Variants in GRM3 observed in about 807,000 individuals in gnomAD.
GRM3 encodes the protein metabotropic glutamate receptor 3.
GRM3 carries 26 observed loss-of-function variants against 70.5 expected under a neutral mutation model. That is an observed-to-expected ratio of 0.37 (90% CI 0.27 to 0.51). The LOEUF (loss-of-function observed/expected upper bound fraction) is 0.51, where lower values mean the gene tolerates loss of function less well. GRM3 is among the 20% of genes least tolerant of loss of function. The probability of loss-of-function intolerance (pLI) is 0.93; values close to 1 mark genes in which losing one functional copy is unlikely to be tolerated. For missense variants in GRM3, 859 were observed against 1,123.8 expected, an observed-to-expected ratio of 0.76 and a Z score of 3.37; for synonymous variants, 443 against 434.9, an observed-to-expected ratio of 1.02 and a Z score of -0.23.
intron 1 of GRM3, among the ~76,000 whole-genome samples, chr7:86,733,313 CAA>C (rs61108218): frequency 2.5e-4 from 29 of 115,478 alleles, no homozygotes; most frequent in Admixed American, 3.8e-4. Flanking sequence ...CACGCCGTCT[CAA>C]AAAAAAAAAA....
At chr7:86,849,244 A>C (rs1289082906) in intron 4 of GRM3, among the ~76,000 whole-genome samples, 2 of 152,154 alleles carry the variant, frequency 1.3e-5, no homozygotes, top group Non-Finnish European at 2.9e-5. Context: ...TGCATCACAG[A>C]ATCAGATAGC....
chr7:86,680,119 C>T (rs1009881242), intron 1 of GRM3, among the ~76,000 whole-genome samples: 44 of 152,176 alleles, frequency 2.9e-4, no homozygotes, highest in Admixed American at 1.5e-3. Flanking sequence ...CTGAGAAGTT[C>T]AGCCTGTCAC....
intron 5 of GRM3, among the ~76,000 whole-genome samples, chr7:86,856,356 G>A (rs1024745485): frequency 1.3e-5 from 2 of 149,728 alleles, no homozygotes; most frequent in African/African-American, 4.9e-5. Flanking sequence ...TGAGACAGGA[G>A]AATTGCTTGA....
intron 3 of GRM3, among the ~76,000 whole-genome samples, chr7:86,818,930 A>G (rs1314903776): frequency 6.6e-6 from 1 of 152,086 alleles, no homozygotes; most frequent in East Asian, 1.9e-4. Flanking sequence ...TGGGTTCCAA[A>G]TTTCAACCTC....
At position 86,701,175 on chromosome 7, in the gene GRM3, G is replaced by A. The variant is rs371838226; in HGVS notation, c.-141+56303G>A. Among the ~76,000 whole-genome samples, 4 of 151,612 alleles carry A rather than the reference G, an allele frequency of 2.6e-5. 1 individual carries two copies. The highest frequency in any genetic ancestry group is 4.2e-4 in the South Asian group (2 of 4,814). ...ATACAACCTGAAAAAGATAAACGAT[G>A]TCCAACCGAAGAATATTTTATTACA... is the stretch of plus-strand genomic sequence containing the variant. On this transcript the variant is annotated intron_variant, in intron 1 of 5. Coordinates refer to ENST00000361669, the MANE Select transcript of GRM3 (RefSeq NM_000840.3).
Position 86,786,622 on chromosome 7 carries a change from G to T in GRM3, c.830G>T (p.Arg277Leu). The change falls in exon 3 of 6, where the codon CGC becomes CTC. Residue 277 changes from arginine (R) to leucine (L), a missense_variant. By Grantham distance (102) the Arg-to-Leu change is moderately radical. Coordinates refer to ENST00000361669, the MANE Select transcript of GRM3 (RefSeq NM_000840.3). The surrounding 1 kb of genome is among the most constrained non-coding windows in gnomAD (Gnocchi z 6.0). ...GCGCGCGTCGTGGTCCTCTTCATGC[G>T]CAGCGACGACTCGCGGGAGCTCATT... Reference protein sequence around the residue: ...PNARVVVLFMRSDDSRELIAA... With the variant: ...PNARVVVLFMLSDDSRELIAA... 1 of 1,612,790 alleles carries T rather than the reference G, an allele frequency of 6.2e-7. No individual in the cohort carries two copies. Among genetic ancestry groups the T allele is most frequent in the Non-Finnish European group, 8.5e-7 (1 of 1,179,930 alleles).
chr7:86,785,234 A>C (rs1797194761), intron 2 of GRM3, among the ~76,000 whole-genome samples: 1 of 152,234 alleles, frequency 6.6e-6, no homozygotes, highest in Non-Finnish European at 1.5e-5. Context: ...GAACTCTCCT[A>C]CGTGAGGTAG....
intron 1 of GRM3, among the ~76,000 whole-genome samples, chr7:86,716,617 C>G (rs1360419984): frequency 6.7e-6 from 1 of 149,736 alleles, no homozygotes; most frequent in East Asian, 2.0e-4. Flanking sequence ...ACACATGAGT[C>G]AAACAAGATC....
chr7:86,834,681 A>G (rs1798420920), intron 3 of GRM3, among the ~76,000 whole-genome samples: 3 of 151,722 alleles, frequency 2.0e-5, no homozygotes, highest in Non-Finnish European at 4.4e-5. Context: ...ATATTCAAAA[A>G]TTGCTATGAG....
intron 1 of GRM3, among the ~76,000 whole-genome samples, chr7:86,758,890 C>T (rs994855364): frequency 3.3e-5 from 5 of 152,102 alleles, no homozygotes; most frequent in African/African-American, 7.2e-5. Flanking sequence ...CGACTGGCAA[C>T]GTCCCTCTCT....
At chr7:86,808,572 G>C (rs1797845469) in intron 3 of GRM3, among the ~76,000 whole-genome samples, 1 of 151,806 alleles carries the variant, frequency 6.6e-6, no homozygotes, top group Non-Finnish European at 1.5e-5. Context: ...ACGCCAAGTG[G>C]AATAAGGCAT....
chr7:86,846,679 C>T (rs1798661930), intron 4 of GRM3, among the ~76,000 whole-genome samples: 1 of 152,166 alleles, frequency 6.6e-6, no homozygotes, highest in Admixed American at 6.6e-5. Context: ...ACCACATCTC[C>T]AAATCCTTCT....
At chr7:86,696,121 C>G (rs1196674909) in intron 1 of GRM3, among the ~76,000 whole-genome samples, 1 of 152,250 alleles carries the variant, frequency 6.6e-6, no homozygotes, top group African/African-American at 2.4e-5. Flanking sequence ...TCCTTTGCAC[C>G]AAAGTGCTCA....
intron 1 of GRM3, among the ~76,000 whole-genome samples, chr7:86,720,649 C>T (rs1795436085): frequency 6.6e-6 from 1 of 152,126 alleles, no homozygotes; most frequent in Non-Finnish European, 1.5e-5. Context: ...ATCCCCTTCT[C>T]AATTTTCATT....
chr7:86,664,719 A>G (rs542526973), intron 1 of GRM3, among the ~76,000 whole-genome samples: 3 of 152,092 alleles, frequency 2.0e-5, no homozygotes, highest in East Asian at 3.9e-4. Context: ...GATGATGGTT[A>G]CGTTTGGCTG....
intron 1 of GRM3, among the ~76,000 whole-genome samples, chr7:86,698,740 C>T (rs1029180936): frequency 6.6e-6 from 1 of 151,920 alleles, no homozygotes; most frequent in African/African-American, 2.4e-5. Flanking sequence ...AAATGGGTTA[C>T]CCATGTGAAT....
intron 1 of GRM3, among the ~76,000 whole-genome samples, chr7:86,646,015 G>T (rs1562811313): frequency 7.9e-4 from 45 of 57,278 alleles, no homozygotes; most frequent in African/African-American, 1.4e-3. Flanking sequence ...GTGGGGGGGG[G>T]TGGGAGGGAG....
intron 2 of GRM3, among the ~76,000 whole-genome samples, chr7:86,766,381 T>C (rs1333975904): frequency 1.4e-5 from 2 of 144,306 alleles, no homozygotes; most frequent in Admixed American, 6.9e-5. Flanking sequence ...TTACTACCAT[T>C]AAAAAAAAAA....
intron 1 of GRM3, among the ~76,000 whole-genome samples, chr7:86,723,310 CAG>C (rs919157834): frequency 6.6e-6 from 1 of 151,908 alleles, no homozygotes; most frequent in Non-Finnish European, 1.5e-5. Context: ...GAAAAGGTAA[CAG>C]AAATTGGAAT....
Sources: allele counts gnomAD v4.1 joint callset (sites outside exome capture counted in the v4.1 genomes callset), GRCh38; gene constraint gnomAD v4.1.1; non-coding constraint Gnocchi (gnomAD v3.1); transcripts MANE v1.5; gene names NCBI Gene and HGNC (gene_info 2026-07-23, HGNC 2026-07-21).